RYR2: variants seen among roughly 807,000 people sequenced by gnomAD.
RYR2 encodes the protein ryanodine receptor 2.
A neutral mutation model predicts 601.1 loss-of-function variants in RYR2; 227 were observed. The observed-to-expected ratio is 0.38, with a 90% confidence interval of 0.34 to 0.42. RYR2 has a LOEUF of 0.42. Ranked by LOEUF, RYR2 falls within the 10% of genes least tolerant of loss-of-function variation. The pLI is 1.00. For synonymous variants in RYR2, 2,223 were observed against 2,175.1 expected (o/e 1.02, Z -0.61); for missense variants, 4,646 against 6,156.5 (o/e 0.75, Z 8.21).
In RYR2 at chr1:237,049,783, T is replaced by C. The variant is rs1661023576; in HGVS notation, c.48+7214T>C. Among the ~76,000 whole-genome samples the C allele has an allele frequency of 4.6e-5, 7 of 152,292 alleles. No homozygotes were observed. In the South Asian group the frequency reaches 1.2e-3, roughly 27 times the overall value. Reference sequence around the variant, plus strand: ...GAGCTAGGAGAAGAATTCTCTCATGTCAGTAGCCCTCTTAGGGACTACTTA... The same window carrying C: ...GAGCTAGGAGAAGAATTCTCTCATGCCAGTAGCCCTCTTAGGGACTACTTA... On this transcript the variant is annotated intron_variant, in intron 1 of 104. Transcript: ENST00000366574.
chr1:237,098,206 C>A (rs1315615799), intron 1 of RYR2, among the ~76,000 whole-genome samples: 3 of 152,042 alleles, frequency 2.0e-5, no homozygotes, highest in Admixed American at 6.6e-5. Context: ...GTGATTCAGT[C>A]GATATTGATT....
At chr1:237,163,856 G>A (rs548149468) in intron 1 of RYR2, among the ~76,000 whole-genome samples, 3 of 152,342 alleles carry the variant, frequency 2.0e-5, no homozygotes, top group East Asian at 3.9e-4. Flanking sequence ...CTAAGGGACC[G>A]CCAAGGCGGT....
intron 97 of RYR2, among the ~76,000 whole-genome samples, chr1:237,801,280 C>A (rs1463251739): frequency 6.7e-6 from 1 of 149,824 alleles, no homozygotes; most frequent in Non-Finnish European, 1.5e-5. Flanking sequence ...CATGTAATCC[C>A]AGCACTTCGG....
intron 2 of RYR2, among the ~76,000 whole-genome samples, chr1:237,324,443 T>G (rs1695951815): frequency 6.6e-6 from 1 of 152,142 alleles, no homozygotes; most frequent in Admixed American, 6.6e-5. Flanking sequence ...AAAACAAACC[T>G]GCCTCAACTT....
intron 1 of RYR2, among the ~76,000 whole-genome samples, chr1:237,118,198 A>T (rs1558265497): frequency 6.6e-6 from 1 of 152,136 alleles, no homozygotes; most frequent in Non-Finnish European, 1.5e-5. Flanking sequence ...GAAATTTATT[A>T]CGTCTTTGAG....
intron 17 of RYR2, among the ~76,000 whole-genome samples, chr1:237,469,392 C>A (rs1257763357): frequency 6.6e-6 from 1 of 151,726 alleles, no homozygotes; most frequent in Non-Finnish European, 1.5e-5. Context: ...ATGGTCACTG[C>A]ACTCCAACAT....
intron 19 of RYR2, among the ~76,000 whole-genome samples, chr1:237,493,697 C>G (rs1663694937): frequency 6.6e-6 from 1 of 152,324 alleles, no homozygotes; most frequent in African/African-American, 2.4e-5. Context: ...CGTGATCTGC[C>G]CGCCTTGGCC....
At chr1:237,443,444 A>T (rs540776615) in intron 13 of RYR2, among the ~76,000 whole-genome samples, 62 of 152,320 alleles carry the variant, frequency 4.1e-4, no homozygotes, top group African/African-American at 1.4e-3. Context: ...AATTTTATTA[A>T]TAAAGAAGAT....
intron 71 of RYR2, among the ~76,000 whole-genome samples, chr1:237,716,910 A>G (rs1689310966): frequency 6.6e-6 from 1 of 152,180 alleles, no homozygotes; most frequent in South Asian, 2.1e-4. Flanking sequence ...AGAATTTTTT[A>G]TATATTTATC....
chr1:237,300,406 T>C (rs1693230886), intron 2 of RYR2, among the ~76,000 whole-genome samples: 1 of 152,202 alleles, frequency 6.6e-6, no homozygotes, highest in African/African-American at 2.4e-5. Flanking sequence ...TTAACATGGC[T>C]ATCTTGGGAC....
chr1:237,270,114 T>C (rs1262079422), intron 1 of RYR2, among the ~76,000 whole-genome samples: 1 of 152,238 alleles, frequency 6.6e-6, no homozygotes, highest in African/African-American at 2.4e-5. Context: ...TTCTTGATGA[T>C]ACTTGGTGTC....
intron 44 of RYR2, among the ~76,000 whole-genome samples, chr1:237,637,732 C>T (rs1411091911): frequency 1.3e-5 from 2 of 152,038 alleles, no homozygotes; most frequent in Non-Finnish European, 2.9e-5. Context: ...TACATTGCAC[C>T]AGAGGTCATT....
chr1:237,079,677 C>G (rs1197693752), intron 1 of RYR2, among the ~76,000 whole-genome samples: 1 of 125,376 alleles, frequency 8.0e-6, no homozygotes, highest in Non-Finnish European at 1.6e-5. Context: ...TAGGAAGAAT[C>G]AATATCGTGA....
chr1:237,442,965 G>A lies in RYR2; in HGVS notation c.1170+1482G>A, dbSNP rs534114826. Among the ~76,000 whole-genome samples the A allele has an allele frequency of 2.6e-5, 4 of 152,234 alleles. No homozygotes were observed. The East Asian group carries it at 5.8e-4, about 22-fold the overall frequency. The stretch of plus-strand genomic sequence containing the variant: ...GTTGGAAAACTTTTATGTATGTTTG[G>A]AACAAGTTGGGTATGTGAATCTACT... On this transcript the variant is annotated intron_variant, in intron 13 of 104. Transcript: ENST00000366574.
chr1:237,264,249 G>A (rs1166892272), intron 1 of RYR2, among the ~76,000 whole-genome samples: 3 of 152,084 alleles, frequency 2.0e-5, no homozygotes, highest in African/African-American at 7.2e-5. Flanking sequence ...TACATCTCCT[G>A]ATTCTTTGAA....
intron 1 of RYR2, among the ~76,000 whole-genome samples, chr1:237,107,190 T>C (rs1668776861): frequency 6.6e-6 from 1 of 152,044 alleles, no homozygotes; most frequent in South Asian, 2.1e-4. Context: ...GGACAACATA[T>C]ACTTTATATA....
chr1:237,429,515 C>A (rs1176199794), intron 12 of RYR2, among the ~76,000 whole-genome samples: 1 of 152,080 alleles, frequency 6.6e-6, no homozygotes, highest in Non-Finnish European at 1.5e-5. Flanking sequence ...AAGTGTCACC[C>A]CACCCCTCCA....
At chr1:237,509,302 T>C (rs1365966824) in intron 23 of RYR2, among the ~76,000 whole-genome samples, 2 of 152,224 alleles carry the variant, frequency 1.3e-5, no homozygotes. Flanking sequence ...CCTTTTTGTG[T>C]AGTAGTTAGA....
chr1:237,236,637 C>A (rs1685574111), intron 1 of RYR2, among the ~76,000 whole-genome samples: 1 of 152,028 alleles, frequency 6.6e-6, no homozygotes, highest in Non-Finnish European at 1.5e-5. Context: ...TAACAAAAAA[C>A]ATGGAAGTGA....
Sources: allele counts gnomAD v4.1 joint callset (sites outside exome capture counted in the v4.1 genomes callset), GRCh38; gene constraint gnomAD v4.1.1; transcripts MANE v1.5; gene names NCBI Gene and HGNC (gene_info 2026-07-23, HGNC 2026-07-21).